Variants in LYZL4 observed in about 807,000 individuals in gnomAD.
The protein encoded by LYZL4 is lysozyme like 4.
A neutral mutation model predicts 17.6 loss-of-function variants in LYZL4; 13 were observed. The ratio of observed to expected loss-of-function variants is 0.74; its 90% CI spans 0.48 to 1.18. The LOEUF (loss-of-function observed/expected upper bound fraction) is 1.18, where lower values mean the gene tolerates loss of function less well. Ranked by LOEUF, LYZL4 falls within the 50% of genes most tolerant of loss-of-function variation. The pLI, the probability that LYZL4 is intolerant of heterozygous loss-of-function variation, is 0.00. For synonymous variants in LYZL4, 64 were observed against 67.7 expected (o/e 0.95, Z 0.27); for missense variants, 174 against 188.2 (o/e 0.92, Z 0.44).
chr3:42,397,373 A>G, intron 4 of LYZL4, 39 bp from the exon 5 acceptor site: 2 of 1,430,640 alleles, frequency 1.4e-6, no homozygotes, highest in East Asian at 2.5e-5. Flanking sequence ...CCTCAAAGTC[A>G]GAACTCAGGG....
At chr3:42,370,695 T>A in the LYZL4 span, among the ~76,000 whole-genome samples, 620 of 152,352 alleles carry the variant, frequency 4.1e-3, 4 homozygotes, top group Non-Finnish European at 6.5e-3. Flanking sequence ...GATACTTGTA[T>A]CTTCTGAGGC....
chr3:42,383,313 T>C, the LYZL4 span, among the ~76,000 whole-genome samples: 51 of 151,922 alleles, frequency 3.4e-4, no homozygotes, highest in African/African-American at 1.2e-3. Context: ...CTGGGGAACA[T>C]GGGCAGCCTA....
At chr3:42,383,868 T>C in the LYZL4 span, among the ~76,000 whole-genome samples, 8 of 152,050 alleles carry the variant, frequency 5.3e-5, no homozygotes, top group African/African-American at 1.9e-4. Context: ...GAGAAACTAT[T>C]AAATGAATGA....
chr3:42,375,492 C>G, the LYZL4 span, among the ~76,000 whole-genome samples: 1 of 152,208 alleles, frequency 6.6e-6, no homozygotes, highest in African/African-American at 2.4e-5. Flanking sequence ...ATTCTGTTCT[C>G]ATTAGCCAGC....
At chr3:42,363,631 G>T in the LYZL4 span, among the ~76,000 whole-genome samples, 1 of 152,146 alleles carries the variant, frequency 6.6e-6, no homozygotes, top group East Asian at 1.9e-4. Flanking sequence ...CACATTCTCT[G>T]TTGAAACTTT....
the LYZL4 span, among the ~76,000 whole-genome samples, chr3:42,374,504 C>T: frequency 6.6e-6 from 1 of 152,174 alleles, no homozygotes; most frequent in African/African-American, 2.4e-5. Flanking sequence ...TGGTTTCATG[C>T]CAACCAACTG....
intron 4 of LYZL4, among the ~76,000 whole-genome samples, chr3:42,401,177 C>A (rs1698645496): frequency 6.6e-6 from 1 of 151,896 alleles, no homozygotes; most frequent in Non-Finnish European, 1.5e-5. Context: ...GGAAATATCA[C>A]AAAAAGAAAA....
At chr3:42,378,174 A>T in the LYZL4 span, among the ~76,000 whole-genome samples, 7 of 152,160 alleles carry the variant, frequency 4.6e-5, no homozygotes, top group African/African-American at 1.7e-4. Flanking sequence ...GGAAGTGTTG[A>T]GATTGGTACA....
At chr3:42,370,827 T>C in the LYZL4 span, among the ~76,000 whole-genome samples, 2 of 152,232 alleles carry the variant, frequency 1.3e-5, no homozygotes, top group Non-Finnish European at 2.9e-5. Context: ...TGCTGACTGG[T>C]AGAGTTCGTC....
At chr3:42,394,665 A>T (rs1698527896), downstream of LYZL4, among the ~76,000 whole-genome samples, 1 of 152,240 alleles carries the variant, frequency 6.6e-6, no homozygotes, top group South Asian at 2.1e-4. Context: ...ATCTGCCCCC[A>T]GAATGAGTGC....
chr3:42,407,703 T>TAA (rs374114728), intron 1 of LYZL4, among the ~76,000 whole-genome samples: 3 of 140,058 alleles, frequency 2.1e-5, no homozygotes, highest in Non-Finnish European at 3.1e-5. Context: ...AAAGAGAAAT[T>TAA]AAAAAAAAAA....
Position 42,397,192 on chromosome 3 carries a change from T to G in LYZL4, c.*73A>C, listed in dbSNP as rs982420906. The G allele has an allele frequency of 9.6e-7, 1 of 1,044,712 alleles. No individual in the cohort carries two copies. The highest frequency in any genetic ancestry group is 1.4e-6 in the Non-Finnish European group (1 of 697,072). The allele number at this position is 1,044,712 out of a possible 1,614,324, so 64.7% of individuals were successfully genotyped here. On this transcript the variant is annotated 3_prime_UTR_variant, in exon 5 of 5. Transcript: ENST00000287748. ...TGGTGAGATCATCAAAAGGATTGAC[T>G]GAAGCAGCAAGCAGAAAAGCACCTT...
downstream of LYZL4, among the ~76,000 whole-genome samples, chr3:42,394,517 T>G (rs905353560): frequency 1.9e-4 from 29 of 152,288 alleles, no homozygotes; most frequent in African/African-American, 6.7e-4. Flanking sequence ...CTTGGAAATA[T>G]CGTGTAAAGG....
the LYZL4 span, among the ~76,000 whole-genome samples, chr3:42,386,395 G>GCCCCCCCCC: frequency 6.2e-4 from 67 of 107,510 alleles, 2 homozygotes; most frequent in Non-Finnish European, 8.4e-4. Flanking sequence ...GAGCCACCAC[G>GCCCCCCCCC]CCCCCCCCCC....
the LYZL4 span, among the ~76,000 whole-genome samples, chr3:42,379,207 C>A: frequency 6.6e-6 from 1 of 152,174 alleles, no homozygotes; most frequent in Non-Finnish European, 1.5e-5. Context: ...GGAAGATCTA[C>A]TTCCAAACTG....
the LYZL4 span, among the ~76,000 whole-genome samples, chr3:42,364,803 A>G: frequency 6.6e-6 from 1 of 152,166 alleles, no homozygotes; most frequent in Non-Finnish European, 1.5e-5. Flanking sequence ...GTGTGAGACA[A>G]GAACCATGGG....
In LYZL4 at chr3:42,397,432, C is replaced by T. The variant is rs986195594; in HGVS notation, c.372-98G>A. On this transcript the variant is annotated intron_variant, in intron 4 of 4. Transcript: ENST00000287748. ...TCAGGCCATTTACACCTGCCTGCCC[C>T]TTGGAGCCTTTGAGTTTTCCACCTC... is the stretch of plus-strand genomic sequence containing the variant. 2.1e-5 allele frequency: 17 copies of T among 792,340 alleles called. No individual in the cohort carries two copies. The African/African-American group carries it at 2.6e-4, about 12-fold the overall frequency. The allele number at this position is 792,340 out of a possible 1,614,324, so 49.1% of individuals were successfully genotyped here.
chr3:42,388,931 T>C, the LYZL4 span, among the ~76,000 whole-genome samples: 398 of 152,208 alleles, frequency 2.6e-3, 3 homozygotes, highest in Admixed American at 7.4e-3. Flanking sequence ...CTGCGAGGCA[T>C]TGGAGAGCCC....
chr3:42,391,204 C>T, the LYZL4 span, among the ~76,000 whole-genome samples: 2 of 151,984 alleles, frequency 1.3e-5, no homozygotes, highest in Non-Finnish European at 2.9e-5. Context: ...ATTCAATAGT[C>T]AAATGAAACA....
Sources: gnomAD v4.1 joint callset for allele counts (sites outside exome capture counted in the v4.1 genomes callset) on GRCh38, gnomAD v4.1.1 for gene constraint, MANE v1.5 for transcripts, NCBI Gene and HGNC (gene_info 2026-07-23, HGNC 2026-07-21) for gene names.